Variants in JAG2 observed in about 807,000 individuals in gnomAD.
The protein encoded by JAG2 is jagged canonical Notch ligand 2, also known as protein jagged-2.
In JAG2, 46 loss-of-function variants were observed where a neutral mutation model predicts 141.7. The observed-to-expected ratio is 0.32, with a 90% CI of 0.26 to 0.42. The LOEUF is 0.42. Among genes scored for constraint, JAG2 ranks in the 10% least tolerant of loss-of-function variants. The pLI is 1.00. For missense variants in JAG2, 1,500 were observed against 1,817.5 expected, an observed-to-expected ratio of 0.83 and a Z score of 3.18; for synonymous variants, 862 against 763.5, an observed-to-expected ratio of 1.13 and a Z score of -2.13.
At chr14:105,147,926 C>A in intron 17 of JAG2, 38 bp from the exon 18 acceptor site, 1 of 1,484,468 alleles carries the variant, frequency 6.7e-7, no homozygotes, top group Non-Finnish European at 9.2e-7. Context: ...TCTCACCTGG[C>A]CCTGGGCTGG....
chr14:105,163,115 T>G (rs1001981695), intron 2 of JAG2, among the ~76,000 whole-genome samples: 3 of 151,996 alleles, frequency 2.0e-5, no homozygotes, highest in African/African-American at 7.2e-5. Context: ...CTCCTCGGCC[T>G]CCCGCATCAG....
intron 5 of JAG2, among the ~76,000 whole-genome samples, chr14:105,155,236 G>C (rs587774123): frequency 1.3e-5 from 2 of 151,884 alleles, no homozygotes; most frequent in East Asian, 3.9e-4. Context: ...CCTCCCCATG[G>C]GCAGGGTTAC....
In JAG2 at chr14:105,151,279, T is replaced by C. The variant is rs762755218; in HGVS notation, c.1267+4A>G. 1.3e-5 allele frequency: 21 copies of C among 1,611,150 alleles called. No homozygotes were observed. The highest frequency in any genetic ancestry group is 1.8e-5 in the Non-Finnish European group (21 of 1,178,990). On this transcript the variant is annotated splice_donor_region_variant and intron_variant, in intron 9 of 25. Transcript: ENST00000331782. ...GTTCCCATGCACTCGCTCGGAGCCC[T>C]TACCCAGCTGGCAGGTGGCCCCCAC... is the stretch of plus-strand genomic sequence containing the variant.
At chr14:105,144,646 T>G (rs907000034) in intron 24 of JAG2, among the ~76,000 whole-genome samples, 3 of 152,122 alleles carry the variant, frequency 2.0e-5, no homozygotes, top group Non-Finnish European at 4.4e-5. Flanking sequence ...GCCTGTGACG[T>G]AGGGACACAG....
rs746603388 is a variant in JAG2 at position 105,145,726 on chromosome 14, C to T, written c.2952+5G>A. On this transcript the variant is annotated splice_donor_5th_base_variant and intron_variant, in intron 23 of 25. Coordinates refer to ENST00000331782, the MANE Select transcript of JAG2 (RefSeq NM_002226.5). ...TGCAAGCTCAGATGCCACCAGGCCC[C>T]TCACCTGGGGCACGTGGTCACGGTT... The T allele has an allele frequency of 6.3e-7, 1 of 1,591,370 alleles. No individual in the cohort carries two copies. The highest frequency in any genetic ancestry group is 1.7e-5 in the Admixed American group (1 of 57,480).
intron 4 of JAG2, 29 bp downstream of exon 4, chr14:105,155,709 C>A (rs755605030): frequency 1.2e-6 from 2 of 1,612,544 alleles, no homozygotes; most frequent in East Asian, 2.2e-5. Context: ...GCCCTCCCTG[C>A]CCTCCACGCA....
At chr14:105,158,814 G>T (rs951950032) in intron 2 of JAG2, among the ~76,000 whole-genome samples, 1 of 152,064 alleles carries the variant, frequency 6.6e-6, no homozygotes, top group African/African-American at 2.4e-5. Context: ...CCACCCCGGG[G>T]GGATGCTGCG....
rs1033736151 is a variant in JAG2 at position 105,149,074 on chromosome 14, C to T, written c.1769G>A (p.Gly590Glu). 28 of 1,609,252 alleles carry T rather than the reference C, an allele frequency of 1.7e-5. No homozygotes were observed. The Admixed American group carries it at 3.3e-4, about 19-fold the overall frequency. Residue 590 changes from glycine (G) to glutamate (E), a missense_variant, in exon 14 of 26, where the codon GGG becomes GAG. Gly to Glu is a moderately conservative substitution (Grantham distance 98). Around this residue, in one of 3 missense-constraint regions of JAG2, gnomAD observed 875 missense variants for 1,202.2 expected, o/e 0.73. Coordinates refer to ENST00000331782, the MANE Select transcript of JAG2 (RefSeq NM_002226.5). ...GGACRVIDGCGSDAGPGMPGT... is the reference protein window; with the variant it reads ...GGACRVIDGCESDAGPGMPGT... ...AGGCATCCCAGGCCCCGCGTCTGAC[C>T]CGCAGCCATCGATCACTATGGCAGG...
Position 105,167,646 on chromosome 14 carries a change from G to T in JAG2, c.417+111C>A. 4 of 1,172,152 alleles carry T rather than the reference G, an allele frequency of 3.4e-6. No homozygotes were observed. The highest frequency in any genetic ancestry group is 2.1e-6 in the Non-Finnish European group (2 of 944,612). 72.6% of individuals were successfully genotyped at this position (1,172,152 alleles called of 1,614,324 possible). On this transcript the variant is annotated intron_variant, in intron 2 of 25. Transcript: ENST00000331782. The surrounding 1 kb of genome is among the most constrained non-coding windows in gnomAD (Gnocchi z 4.8). ...TGCCGGCCCCGCCCCGCCTGGGCGC[G>T]CGCGGCTCGCACGCAGACCCGGCCG... is the stretch of plus-strand genomic sequence containing the variant.
At chr14:105,149,559 T>C (rs587659509) in intron 12 of JAG2, among the ~76,000 whole-genome samples, 2 of 151,850 alleles carry the variant, frequency 1.3e-5, no homozygotes, top group Admixed American at 6.5e-5. Flanking sequence ...TTCCTCACTG[T>C]CCCTCGGGAG....
chr14:105,168,050 C>G lies in JAG2; in HGVS notation c.124G>C (p.Gly42Arg). ...CAGCAGGCGCCGCTCAGCAGCTCCC[C>G]GTTCACGTTCCGCAGCGCGCTCAGC... is the stretch of plus-strand genomic sequence containing the variant. ...LQLSALRNVN[G>R]ELLSGACCDG... is the part of the protein sequence containing the mutation. Residue 42 changes from glycine to arginine, a missense_variant, in exon 2 of 26, where the codon GGG becomes CGG. By Grantham distance (125) the Gly-to-Arg change is moderately radical. Coordinates refer to ENST00000331782, the MANE Select transcript of JAG2 (RefSeq NM_002226.5). The G allele has an allele frequency of 6.3e-7, 1 of 1,592,370 alleles. No homozygotes were observed. The highest frequency in any genetic ancestry group is 8.5e-7 in the Non-Finnish European group (1 of 1,176,050).
intron 24 of JAG2, among the ~76,000 whole-genome samples, chr14:105,144,463 A>ACACC (rs1260040841): frequency 6.6e-6 from 1 of 151,738 alleles, no homozygotes; most frequent in Non-Finnish European, 1.5e-5. Flanking sequence ...ACTGCTCTGC[A>ACACC]CACCCACCCA....
chr14:105,158,061 G>A (rs1361962450), intron 2 of JAG2, among the ~76,000 whole-genome samples: 3 of 152,232 alleles, frequency 2.0e-5, no homozygotes, highest in African/African-American at 4.8e-5. Context: ...AAGTCAGCAC[G>A]GAGCACAGGA....
intron 22 of JAG2, 22 bp from the exon 23 acceptor site, chr14:105,145,995 G>A (rs1427817932): frequency 1.9e-6 from 3 of 1,589,916 alleles, no homozygotes; most frequent in African/African-American, 1.3e-5. Flanking sequence ...CGCACAGGAG[G>A]GTCAGGCGCA....
In JAG2 at chr14:105,155,738, C is replaced by A; in HGVS notation, c.727G>T (p.Ala243Ser). ...CCACGCAGCCCAGCGGCCCCCTCAC[C>A]TTCCTTGCACTCCTTGCCCATCCAG... ...DGWMGKECKE[A>S]VCKQGCNLLH... Residue 243 changes from alanine to serine, a missense_variant and splice_region_variant, in exon 4 of 26, where the codon GCT becomes TCT. By Grantham distance (99) the Ala-to-Ser change is moderately conservative. Transcript: ENST00000331782. 6.2e-7 allele frequency: 1 copy of A among 1,612,844 alleles called. No homozygotes were observed. Among genetic ancestry groups the A allele is most frequent in the Non-Finnish European group, 8.5e-7 (1 of 1,179,908 alleles).
chr14:105,144,884 C>T (rs758117323), intron 24 of JAG2, 46 bp downstream of exon 24: 41 of 1,586,946 alleles, frequency 2.6e-5, no homozygotes, highest in African/African-American at 1.3e-4. Flanking sequence ...CTGCATAGTA[C>T]GGGACCCAGG....
chr14:105,145,090 G>A lies in JAG2; in HGVS notation c.2953-29C>T, dbSNP rs181852206. 5 of 1,607,660 alleles carry A rather than the reference G, an allele frequency of 3.1e-6. No individual in the cohort carries two copies. The East Asian group carries it at 8.9e-5, about 29-fold the overall frequency. ...GGCAGAGACAGGCAGTGCGTGGGCAGGGCAGGGCCGTGAACCTGACACCTA... is the reference window on the plus strand; with the variant it reads ...GGCAGAGACAGGCAGTGCGTGGGCAAGGCAGGGCCGTGAACCTGACACCTA... On this transcript the variant is annotated intron_variant, in intron 23 of 25. Coordinates refer to ENST00000331782, the MANE Select transcript of JAG2 (RefSeq NM_002226.5).
rs1843401282 is a variant in JAG2 at position 105,141,466 on chromosome 14, A to G, written c.*1229T>C. The G allele has an allele frequency of 6.6e-6, 1 of 152,260 alleles. No homozygotes were observed. Among genetic ancestry groups the G allele is most frequent in the Admixed American group, 6.5e-5 (1 of 15,294 alleles). The allele number at this position is 152,260 out of a possible 1,614,324, so 9.4% of individuals were successfully genotyped here. ...AAAACTGTTTTCAGCTGTTTTAGTC[A>G]GGGTCGGGTGCCAGGCACCTAGACA... On this transcript the variant is annotated 3_prime_UTR_variant, in exon 26 of 26. Transcript: ENST00000331782.
rs1408065323 is a variant in JAG2, at chr14:105,167,790, G to A, written c.384C>T (p.Gly128=). Residue 128 remains glycine (G), a synonymous_variant, in exon 2 of 26, where the codon GGC becomes GGT. Coordinates refer to ENST00000331782, the MANE Select transcript of JAG2 (RefSeq NM_002226.5). This position sits in a 1 kb window ranked among gnomAD's most constrained non-coding sequence, Gnocchi z 4.8. ...CGAACTGGAAGGGGATGACGACGAG[G>A]CCCGGGTCCTGGTCGCCGCCGGCCC... The part of the protein sequence containing the change: ...RARAGGDQDP[G]LVVIPFQFAW... The A allele has an allele frequency of 1.0e-5, 15 of 1,464,200 alleles. No homozygotes were observed. Among genetic ancestry groups the A allele is most frequent in the Non-Finnish European group, 1.3e-5 (14 of 1,110,498 alleles). The allele number at this position is 1,464,200 out of a possible 1,614,324, so 90.7% of individuals were successfully genotyped here.
Sources: gnomAD v4.1 joint callset for allele counts (sites outside exome capture counted in the v4.1 genomes callset) on GRCh38, gnomAD v4.1.1 for gene constraint, gnomAD v4.1.1 regional missense constraint, Gnocchi (gnomAD v3.1) non-coding constraint, MANE v1.5 for transcripts, NCBI Gene and HGNC (gene_info 2026-07-23, HGNC 2026-07-21) for gene names.